NUDT9: variants seen among roughly 807,000 people sequenced by gnomAD.
The protein encoded by NUDT9 is ADP-ribose pyrophosphatase.
In NUDT9, 31 loss-of-function variants were observed where a neutral mutation model predicts 41.0. That is an observed-to-expected ratio of 0.76 (90% CI 0.57 to 1.02). NUDT9 has a LOEUF of 1.02. NUDT9 is among the 50% of genes least tolerant of loss of function. The pLI is 0.00. For missense variants in NUDT9, 380 were observed against 431.4 expected, an observed-to-expected ratio of 0.88 and a Z score of 1.06; for synonymous variants, 146 against 147.6, an observed-to-expected ratio of 0.99 and a Z score of 0.08.
intron 3 of NUDT9, among the ~76,000 whole-genome samples, chr4:87,439,584 A>T (rs1219691332): frequency 6.6e-6 from 1 of 152,060 alleles, no homozygotes; most frequent in Non-Finnish European, 1.5e-5. Context: ...TGAACCCAGG[A>T]GGCGGAGGTT....
chr4:87,444,451 C>T (rs758590017), intron 4 of NUDT9, among the ~76,000 whole-genome samples: 27 of 152,116 alleles, frequency 1.8e-4, no homozygotes, highest in Non-Finnish European at 3.7e-4. Flanking sequence ...CACCCATTCA[C>T]CTACCTACTT....
chr4:87,444,565 TA>T, intron 4 of NUDT9, among the ~76,000 whole-genome samples: 1 of 152,340 alleles, frequency 6.6e-6, no homozygotes, highest in Non-Finnish European at 1.5e-5. Context: ...ATGGCAGTGT[TA>T]GTTTCTGATT....
In NUDT9 at chr4:87,423,026, C is replaced by G. The variant is rs1222873514; in HGVS notation, c.107+14C>G. 6.2e-7 allele frequency: 1 copy of G among 1,600,252 alleles called. No individual in the cohort carries two copies. The highest frequency in any genetic ancestry group is 8.5e-7 in the Non-Finnish European group (1 of 1,169,688). On this transcript the variant is annotated intron_variant, in intron 1 of 7. Coordinates refer to ENST00000302174, the MANE Select transcript of NUDT9 (RefSeq NM_024047.5). ...CCAGGCGTTCAGGTATTCCACCCTC[C>G]TACTACCGGCTCCTTTGCCCTAGAC...
chr4:87,431,536 A>C (rs139568662), intron 1 of NUDT9, among the ~76,000 whole-genome samples: 2 of 152,340 alleles, frequency 1.3e-5, no homozygotes, highest in Non-Finnish European at 2.9e-5. Flanking sequence ...TTTCCAGTCA[A>C]TGAACATAGG....
At chr4:87,455,575 A>G (rs919599614) in intron 7 of NUDT9, among the ~76,000 whole-genome samples, 15 of 151,410 alleles carry the variant, frequency 9.9e-5, no homozygotes, top group Middle Eastern at 3.4e-3. Context: ...GCCATATTTG[A>G]GTTCGGTTTT....
chr4:87,455,647 T>C (rs905332273), intron 7 of NUDT9, among the ~76,000 whole-genome samples: 1 of 151,400 alleles, frequency 6.6e-6, no homozygotes, highest in Non-Finnish European at 1.5e-5. Context: ...TAGTGCTTTT[T>C]TTTCTTTTTT....
chr4:87,441,165 G>C (rs923062442), intron 3 of NUDT9, among the ~76,000 whole-genome samples: 1 of 152,116 alleles, frequency 6.6e-6, no homozygotes, highest in Non-Finnish European at 1.5e-5. Flanking sequence ...GAACATTTTA[G>C]TAGTACATAA....
Position 87,457,896 on chromosome 4 carries a change from A to T in NUDT9, c.928A>T (p.Lys310Ter), listed in dbSNP as rs1319340976. The T allele has an allele frequency of 4.3e-6, 7 of 1,610,716 alleles. No individual in the cohort carries two copies. The Admixed American group carries it at 1.2e-4, about 27-fold the overall frequency. The change falls in exon 8 of 8, where the codon AAA (lysine) becomes TAA (stop). Residue 310 changes from lysine (K) to a stop codon, truncating the protein, a stop_gained. Coordinates refer to ENST00000302174, the MANE Select transcript of NUDT9 (RefSeq NM_024047.5). LOFTEE classifies it high-confidence loss of function. ...LEAGDDAGKV[K>*]WVDINDKLKL... The stretch of plus-strand genomic sequence containing the variant: ...AGCTGGAGATGATGCTGGAAAAGTG[A>T]AATGGGTGGACATCAATGATAAACT...
intron 1 of NUDT9, among the ~76,000 whole-genome samples, chr4:87,431,281 C>T (rs1218095585): frequency 6.6e-6 from 1 of 152,278 alleles, no homozygotes; most frequent in East Asian, 1.9e-4. Flanking sequence ...TTCTATTCCA[C>T]TAGTCTATAT....
intron 3 of NUDT9, among the ~76,000 whole-genome samples, chr4:87,440,039 C>A (rs1219433463): frequency 6.6e-6 from 1 of 152,128 alleles, no homozygotes; most frequent in Non-Finnish European, 1.5e-5. Flanking sequence ...AACTTATTCA[C>A]CTTTCTATGT....
intron 1 of NUDT9, 67 bp downstream of exon 1, chr4:87,423,079 T>C: frequency 8.3e-7 from 1 of 1,211,490 alleles, no homozygotes; most frequent in Non-Finnish European, 1.2e-6. Flanking sequence ...AAGCAGCTTT[T>C]TTTTCTGGCG....
chr4:87,440,499 T>C (rs1031605906), intron 3 of NUDT9, among the ~76,000 whole-genome samples: 1 of 152,190 alleles, frequency 6.6e-6, no homozygotes, highest in Non-Finnish European at 1.5e-5. Context: ...CTAATCTGTC[T>C]CTTTATGGTG....
chr4:87,422,618 G>A lies in NUDT9; in HGVS notation c.-288G>A, dbSNP rs1312055355. The A allele has an allele frequency of 3.2e-6, 1 of 316,042 alleles. No homozygotes were observed. Among genetic ancestry groups the A allele is most frequent in the Non-Finnish European group, 5.7e-6 (1 of 174,036 alleles). 19.6% of individuals were successfully genotyped at this position (316,042 alleles called of 1,614,324 possible). ...CATTACGCAGAGAGAAAGTTACGAG[G>A]TTCGTGGCCGCGGTTTCCCCAGGCA... On this transcript the variant is annotated 5_prime_UTR_variant, in exon 1 of 8. Coordinates refer to ENST00000302174, the MANE Select transcript of NUDT9 (RefSeq NM_024047.5).
intron 3 of NUDT9, 107 bp from the exon 4 acceptor site, chr4:87,441,722 G>A (rs1722209161): frequency 1.2e-6 from 1 of 843,782 alleles, no homozygotes; most frequent in East Asian, 2.6e-5. Context: ...GGATTTGTAA[G>A]GACTTATTCT....
intron 1 of NUDT9, 63 bp downstream of exon 1, chr4:87,423,075 C>CTT: frequency 2.4e-6 from 3 of 1,263,520 alleles, no homozygotes; most frequent in Non-Finnish European, 2.2e-6. Flanking sequence ...TGGGAAGCAG[C>CTT]TTTTTTTTCT....
chr4:87,439,677 A>AC (rs1722112523), intron 3 of NUDT9, among the ~76,000 whole-genome samples: 3 of 152,144 alleles, frequency 2.0e-5, no homozygotes, highest in Admixed American at 2.0e-4. Flanking sequence ...CAACAAAAAA[A>AC]CCATCAGCTC....
At chr4:87,423,809 AT>A (rs761632292) in intron 1 of NUDT9, among the ~76,000 whole-genome samples, 16 of 152,110 alleles carry the variant, frequency 1.1e-4, no homozygotes, top group Non-Finnish European at 2.1e-4. Context: ...TGGGTCGCTA[AT>A]TGACTTTTGG....
intron 4 of NUDT9, among the ~76,000 whole-genome samples, chr4:87,448,138 A>ATT (rs1213818782): frequency 5.0e-3 from 460 of 92,348 alleles, no homozygotes; most frequent in Non-Finnish European, 6.0e-3. Flanking sequence ...TTAAAAGCAA[A>ATT]TTTTTTTTTT....
chr4:87,434,856 T>A (rs1313141843), intron 1 of NUDT9, 125 bp from the exon 2 acceptor site: 5 of 749,130 alleles, frequency 6.7e-6, no homozygotes, highest in Non-Finnish European at 1.1e-5. Context: ...TAACCTCAGG[T>A]GATCCACCTA....
Sources: gnomAD v4.1 joint callset for allele counts (sites outside exome capture counted in the v4.1 genomes callset) on GRCh38, gnomAD v4.1.1 for gene constraint, MANE v1.5 for transcripts, NCBI Gene and HGNC (gene_info 2026-07-23, HGNC 2026-07-21) for gene names.